Variants in FHIT observed in about 807,000 individuals in gnomAD.
FHIT encodes bis(5'-adenosyl)-triphosphatase.
Under a neutral mutation model 17.9 loss-of-function variants are expected in FHIT, and 19 were observed. The observed-to-expected ratio is 1.06, with a 90% confidence interval of 0.74 to 1.56. The LOEUF is 1.56. Ranked by LOEUF, FHIT falls within the 40% of genes most tolerant of loss-of-function variation. The probability of loss-of-function intolerance (pLI) is 0.00; values close to 1 mark genes in which losing one functional copy is unlikely to be tolerated. For synonymous variants in FHIT, 81 were observed against 69.7 expected (o/e 1.16, Z -0.81); for missense variants, 248 against 189.2 (o/e 1.31, Z -1.82).
chr3:60,981,290 C>T (rs1399762717), intron 3 of FHIT, among the ~76,000 whole-genome samples: 2 of 143,336 alleles, frequency 1.4e-5, no homozygotes, highest in African/African-American at 5.2e-5. Context: ...CCCCTTTCTT[C>T]CTTCCTTTTT....
intron 7 of FHIT, among the ~76,000 whole-genome samples, chr3:59,971,643 A>G (rs1472290758): frequency 1.3e-5 from 2 of 152,156 alleles, no homozygotes; most frequent in African/African-American, 4.8e-5. Context: ...ATGTGCATCA[A>G]CCAATGGGAG....
chr3:59,879,023 G>A (rs1267783100), intron 8 of FHIT, among the ~76,000 whole-genome samples: 51 of 139,360 alleles, frequency 3.7e-4, no homozygotes, highest in African/African-American at 1.3e-3. Flanking sequence ...AAAAAAAAAA[G>A]AAGAAGAAGA....
rs782685990 is a variant in FHIT at position 60,688,434 on chromosome 3, T to TTTG, written c.-18+133484_-18+133485insCAA. On this transcript the variant is annotated intron_variant, in intron 4 of 9. Coordinates refer to ENST00000492590, the MANE Select transcript of FHIT (RefSeq NM_002012.4). ...GTCAAATTATGTTTTGTGTTTTTTT[T>TTTG]TTTGTTTTTTTTTTTAGACAGAGTT... 1.5e-4 allele frequency among the ~76,000 whole-genome samples: 19 copies of TTTG among 124,210 alleles called. No homozygotes were observed. In the South Asian group the frequency reaches 4.8e-3, roughly 31 times the overall value. The allele number at this position is 124,210 out of a possible 152,430, so 81.5% of individuals were successfully genotyped here.
At chr3:60,046,323 C>T (rs1232347646) in intron 5 of FHIT, among the ~76,000 whole-genome samples, 2 of 152,130 alleles carry the variant, frequency 1.3e-5, no homozygotes, top group Non-Finnish European at 2.9e-5. Context: ...GGATTTTGAA[C>T]AGAACACCAA....
At chr3:60,388,918 T>C (rs1413342690) in intron 5 of FHIT, among the ~76,000 whole-genome samples, 1 of 152,158 alleles carries the variant, frequency 6.6e-6, no homozygotes, top group Non-Finnish European at 1.5e-5. Context: ...AGGTTGCTAC[T>C]CAGACATCCA....
intron 5 of FHIT, among the ~76,000 whole-genome samples, chr3:60,312,867 A>G (rs766567494): frequency 5.9e-5 from 9 of 152,180 alleles, no homozygotes; most frequent in Middle Eastern, 3.2e-3. Context: ...AAAACCTTCC[A>G]CAAAGAATCA....
At chr3:61,001,534 TA>T (rs1210226651) in intron 3 of FHIT, among the ~76,000 whole-genome samples, 2 of 152,184 alleles carry the variant, frequency 1.3e-5, no homozygotes, top group African/African-American at 4.8e-5. Context: ...TTATGCTAAG[TA>T]AAAATTAAAG....
intron 7 of FHIT, among the ~76,000 whole-genome samples, chr3:59,979,801 G>C (rs1433432988): frequency 6.6e-6 from 1 of 152,072 alleles, no homozygotes; most frequent in Non-Finnish European, 1.5e-5. Flanking sequence ...CGAAAAGAAA[G>C]AAACTGTGAA....
At chr3:60,079,562 T>C (rs1198701800) in intron 5 of FHIT, among the ~76,000 whole-genome samples, 2 of 152,046 alleles carry the variant, frequency 1.3e-5, no homozygotes, top group Non-Finnish European at 2.9e-5. Flanking sequence ...CCCTCTCTCC[T>C]TTTTGCTTCC....
At chr3:61,099,285 G>C (rs1470412294) in intron 2 of FHIT, among the ~76,000 whole-genome samples, 1 of 152,172 alleles carries the variant, frequency 6.6e-6, no homozygotes, top group East Asian at 1.9e-4. Flanking sequence ...TAATCACAGG[G>C]AGTAAGCTTT....
intron 7 of FHIT, among the ~76,000 whole-genome samples, chr3:59,986,967 G>T (rs1709000687): frequency 8.7e-6 from 1 of 114,898 alleles, no homozygotes; most frequent in African/African-American, 3.4e-5. Flanking sequence ...ATATGTATAG[G>T]ATTTACTATA....
At chr3:60,706,755 A>T (rs937538999) in intron 4 of FHIT, among the ~76,000 whole-genome samples, 8 of 152,154 alleles carry the variant, frequency 5.3e-5, no homozygotes, top group Non-Finnish European at 1.2e-4. Context: ...ATTTTGCTGA[A>T]TTCTGTTTTT....
intron 4 of FHIT, among the ~76,000 whole-genome samples, chr3:60,779,804 C>T (rs1006581506): frequency 6.6e-5 from 10 of 152,234 alleles, no homozygotes; most frequent in African/African-American, 1.7e-4. Context: ...CACAGGTGAG[C>T]GTGACTGATT....
At chr3:59,855,051 T>C (rs886991016) in intron 8 of FHIT, among the ~76,000 whole-genome samples, 1 of 152,210 alleles carries the variant, frequency 6.6e-6, no homozygotes, top group African/African-American at 2.4e-5. Context: ...AGCAGTTTGA[T>C]TCAATACTAA....
chr3:59,822,334 A>G (rs1478732468), intron 8 of FHIT, among the ~76,000 whole-genome samples: 4 of 152,184 alleles, frequency 2.6e-5, no homozygotes, highest in Non-Finnish European at 4.4e-5. Context: ...TGCTGGATCA[A>G]ATGGTAGTTC....
At chr3:60,971,039 T>G (rs1354947019) in intron 3 of FHIT, among the ~76,000 whole-genome samples, 1 of 152,164 alleles carries the variant, frequency 6.6e-6, no homozygotes, top group Non-Finnish European at 1.5e-5. Flanking sequence ...TTTTATAATA[T>G]ATAACTATGA....
chr3:60,877,802 G>A (rs1449699210), intron 3 of FHIT, among the ~76,000 whole-genome samples: 2 of 151,988 alleles, frequency 1.3e-5, no homozygotes, highest in African/African-American at 4.8e-5. Context: ...ACTAGAGTCT[G>A]AACTGCTAAG....
At chr3:60,502,499 G>C (rs1041269296) in intron 5 of FHIT, among the ~76,000 whole-genome samples, 8 of 152,110 alleles carry the variant, frequency 5.3e-5, no homozygotes, top group South Asian at 2.1e-4. Flanking sequence ...TTTCTTGCGG[G>C]TTTAGGTCTT....
chr3:60,631,183 C>A (rs1371170704), intron 4 of FHIT, among the ~76,000 whole-genome samples: 6 of 152,102 alleles, frequency 3.9e-5, no homozygotes, highest in Admixed American at 3.9e-4. Context: ...CCTCTGTAGA[C>A]TTCTAGCAGA....
Sources: gnomAD v4.1 joint callset for allele counts (sites outside exome capture counted in the v4.1 genomes callset) on GRCh38, gnomAD v4.1.1 for gene constraint, MANE v1.5 for transcripts, NCBI Gene and HGNC (gene_info 2026-07-23, HGNC 2026-07-21) for gene names.